UBAP2L: variants seen among roughly 807,000 people sequenced by gnomAD.
UBAP2L encodes the protein ubiquitin associated protein 2 like, also known as ubiquitin-associated protein 2-like.
A neutral mutation model predicts 130.6 loss-of-function variants in UBAP2L; 12 were observed. That is an observed-to-expected ratio of 0.09 (90% CI 0.06 to 0.15). The LOEUF (loss-of-function observed/expected upper bound fraction) is 0.15. Among genes scored for constraint, UBAP2L ranks in the 10% least tolerant of loss-of-function variants. The probability of loss-of-function intolerance (pLI) is 1.00; values close to 1 mark genes in which losing one functional copy is unlikely to be tolerated. For missense variants in UBAP2L, 965 were observed against 1,332.5 expected (o/e 0.72, Z 4.29); for synonymous variants, 503 against 524.7 (o/e 0.96, Z 0.57).
At chr1:154,236,450 T>A in intron 6 of UBAP2L, 116 bp from the exon 7 acceptor site, 1 of 1,095,072 alleles carries the variant, frequency 9.1e-7, no homozygotes, top group Non-Finnish European at 1.4e-6. Context: ...CCGCCCGCCC[T>A]CAGCCTTTCA....
At chr1:154,250,110 GACCGGAGT>G (rs1397959503) in intron 12 of UBAP2L, among the ~76,000 whole-genome samples, 1 of 152,186 alleles carries the variant, frequency 6.6e-6, no homozygotes, top group Non-Finnish European at 1.5e-5. Flanking sequence ...CTGTCATCCA[GACCGGAGT>G]ACAGTGGCAC....
At chr1:154,246,874 A>T (rs1291267209) in intron 11 of UBAP2L, among the ~76,000 whole-genome samples, 1 of 152,222 alleles carries the variant, frequency 6.6e-6, no homozygotes, top group East Asian at 1.9e-4. Flanking sequence ...AAATAGGGAT[A>T]AAAGTGCTAG....
In UBAP2L at chr1:154,257,131, A is replaced by T. The variant is rs1679942703; in HGVS notation, c.2226A>T (p.Thr742=). ...GCACTTTTTCCACCACATCCAGCAC[A>T]GTCTCTGCACCTCCCCCAGTGGTCA... ...SSSTFSTTSS[T]VSAPPPVVSV... The change falls in exon 19 of 27, where the codon ACA becomes ACT. Residue 742 remains threonine (T), a synonymous_variant. Transcript: ENST00000428931. The T allele has an allele frequency of 2.5e-6, 4 of 1,614,168 alleles. No individual in the cohort carries two copies. In the East Asian group the frequency reaches 8.9e-5, roughly 36 times the overall value.
chr1:154,270,929 T>C, downstream of UBAP2L: 1 of 1,550,496 alleles, frequency 6.4e-7, no homozygotes, highest in Non-Finnish European at 8.7e-7. Flanking sequence ...AGTATTACTG[T>C]ACCAACTGGG....
chr1:154,270,189 T>A lies in UBAP2L; in HGVS notation c.3169-11T>A, dbSNP rs1572009562. On this transcript the variant is annotated splice_polypyrimidine_tract_variant and intron_variant, in intron 26 of 26. Transcript: ENST00000428931. ...CTTTTTCCTCCTCATGATCCTCCCA[T>A]TCCCCTGCAGACGGGCAGCGGGCAA... 6.3e-7 allele frequency: 1 copy of A among 1,591,328 alleles called. No homozygotes were observed. The highest frequency in any genetic ancestry group is 1.3e-5 in the African/African-American group (1 of 74,240).
At chr1:154,224,319 G>T (rs1667267036) in intron 1 of UBAP2L, among the ~76,000 whole-genome samples, 1 of 152,186 alleles carries the variant, frequency 6.6e-6, no homozygotes, top group Non-Finnish European at 1.5e-5. Context: ...AAGGTGAGTG[G>T]TGGAGGGTAA....
At chr1:154,222,543 C>G (rs1418595458) in intron 1 of UBAP2L, among the ~76,000 whole-genome samples, 2 of 152,180 alleles carry the variant, frequency 1.3e-5, no homozygotes, top group Non-Finnish European at 2.9e-5. Flanking sequence ...TTTAAAGCTC[C>G]TCCTTGCTAT....
Position 154,254,880 on chromosome 1 carries a change from A to G in UBAP2L, c.1899A>G (p.Gln633=), listed in dbSNP as rs201957873. The G allele has an allele frequency of 2.0e-4, 319 of 1,599,188 alleles. 3 individuals are homozygous for G. In the Admixed American group the frequency reaches 2.5e-3, roughly 13 times the overall value. ...SVQATQLQTT[Q]SVEGATGSAV... is the part of the protein sequence containing the mutation. ...AGGCCACGCAGTTACAGACCACACA[A>G]TCTGTTGAAGGTGAGTGTTCTTCAG... Residue 633 remains glutamine (Q), a synonymous_variant, in exon 16 of 27, where the codon CAA becomes CAG. Transcript: ENST00000428931.
In UBAP2L at chr1:154,236,566, G is replaced by A; in HGVS notation, c.545G>A (p.Gly182Asp). 12 of 1,613,728 alleles carry A rather than the reference G, an allele frequency of 7.4e-6. No homozygotes were observed. Among genetic ancestry groups the A allele is most frequent in the Non-Finnish European group, 1.0e-5 (12 of 1,179,908 alleles). Residue 182 changes from glycine (G) to aspartate (D), a missense_variant and splice_region_variant, in exon 7 of 27, where the codon GGT becomes GAT. By Grantham distance (94) the Gly-to-Asp change is moderately conservative (BLOSUM62 -1). Coordinates refer to ENST00000428931, the MANE Select transcript of UBAP2L (RefSeq NM_014847.4). The part of the protein sequence containing the change: ...RGRRGRGRGR[G>D]GSGRRGGRFS... The stretch of plus-strand genomic sequence containing the variant: ...TCTCTTTTTCTCATTCTTTCTTTAG[G>A]TGGCTCTGGTAGGCGAGGAGGAAGG...
chr1:154,270,772 T>TTG lies in UBAP2L; in HGVS notation c.*478_*479insGT, dbSNP rs2149131289. 10 of 1,091,414 alleles carry TTG rather than the reference T, an allele frequency of 9.2e-6. No individual in the cohort carries two copies. The highest frequency in any genetic ancestry group is 3.2e-5 in the South Asian group (1 of 31,280). 67.6% of individuals were successfully genotyped at this position (1,091,414 alleles called of 1,614,324 possible). ...TTAGTTGAAGTGGTTTTTTTTTTGT[T>TTG]TTTTTTTTTTTTTTGTACTGTGTCC... On this transcript the variant is annotated 3_prime_UTR_variant, in exon 27 of 27. Coordinates refer to ENST00000428931, the MANE Select transcript of UBAP2L (RefSeq NM_014847.4).
At chr1:154,251,996 C>T (rs1677774180) in intron 14 of UBAP2L, among the ~76,000 whole-genome samples, 1 of 152,018 alleles carries the variant, frequency 6.6e-6, no homozygotes, top group Non-Finnish European at 1.5e-5. Flanking sequence ...TTTTTAAACA[C>T]AGAGTTTCAC....
chr1:154,254,857 G>A lies in UBAP2L; in HGVS notation c.1876G>A (p.Ala626Thr), dbSNP rs772930350. Reference protein sequence around the residue: ...QAKNGFSSVQATQLQTTQSVE... With the variant: ...QAKNGFSSVQTTQLQTTQSVE... ...CCAGAATGGCTTCAGTTCTGTGCAG[G>A]CCACGCAGTTACAGACCACACAATC... Residue 626 changes from alanine to threonine, a missense_variant, in exon 16 of 27, where the codon GCC (alanine) becomes ACC (threonine). By Grantham distance (58) the Ala-to-Thr change is moderately conservative. This residue lies in a region of UBAP2L where 393 missense variants were observed against 408.1 expected (regional missense o/e 0.96). Transcript: ENST00000428931. The A allele has an allele frequency of 9.4e-6, 15 of 1,603,994 alleles. No individual in the cohort carries two copies. Among genetic ancestry groups the A allele is most frequent in the Admixed American group, 1.7e-5 (1 of 58,166 alleles).
intron 10 of UBAP2L, among the ~76,000 whole-genome samples, 176 bp downstream of exon 10, chr1:154,243,478 T>C (rs940367949): frequency 6.6e-6 from 1 of 152,180 alleles, no homozygotes; most frequent in Non-Finnish European, 1.5e-5. Context: ...TTTTTGTTTT[T>C]GAGACAGAGT....
chr1:154,230,604 A>T (rs1669524138), intron 4 of UBAP2L, among the ~76,000 whole-genome samples: 1 of 152,166 alleles, frequency 6.6e-6, no homozygotes, highest in Non-Finnish European at 1.5e-5. Context: ...ATGTTTTTTT[A>T]AAAGTCTGAA....
intron 4 of UBAP2L, among the ~76,000 whole-genome samples, chr1:154,231,347 C>A (rs1669781683): frequency 1.3e-5 from 2 of 149,550 alleles, no homozygotes; most frequent in African/African-American, 4.9e-5. Context: ...GTTGCCCAGG[C>A]TGGAGTGCAA....
rs1287644479 is a variant in UBAP2L, at chr1:154,257,054, C to G, written c.2158-9C>G. ...CTTCTTCTCTCTTCCACTGCTCCCCCTTTTGAAGCACACAAGTGTGGAGAG... is the reference window on the plus strand; with the variant it reads ...CTTCTTCTCTCTTCCACTGCTCCCCGTTTTGAAGCACACAAGTGTGGAGAG... On this transcript the variant is annotated splice_polypyrimidine_tract_variant and intron_variant, in intron 18 of 26. Transcript: ENST00000428931. The G allele has an allele frequency of 1.9e-6, 3 of 1,610,880 alleles. No individual in the cohort carries two copies. The highest frequency in any genetic ancestry group is 2.5e-6 in the Non-Finnish European group (3 of 1,178,766).
chr1:154,248,013 G>A (rs980994448), intron 11 of UBAP2L, among the ~76,000 whole-genome samples: 1 of 151,054 alleles, frequency 6.6e-6, no homozygotes, highest in Non-Finnish European at 1.5e-5. Context: ...TGTTGCCTAG[G>A]CTGGAGTGCA....
chr1:154,242,958 C>T (rs1345434135), intron 9 of UBAP2L: 6 of 229,884 alleles, frequency 2.6e-5, no homozygotes, highest in Non-Finnish European at 5.1e-5. Context: ...GTCTAGCATG[C>T]CTGTAAGTTC....
At position 154,237,135 on chromosome 1, in the gene UBAP2L, G is replaced by A. The variant is rs2274992; in HGVS notation, c.702G>A (p.Thr234=). Residue 234 remains threonine (T), a splice_region_variant and synonymous_variant, in exon 8 of 27, where the codon ACG becomes ACA. Transcript: ENST00000428931. ...NTGHFEPDDG[T]SAWRTATEEW... is the part of the protein sequence containing the mutation. ...GCCACTTTGAACCAGATGATGGGAC[G>A]AGTGAGTGACCATTTATCATTCATT... The A allele has an allele frequency of 4.3e-4, 690 of 1,611,430 alleles. 4 individuals carry two copies. In the East Asian group the frequency reaches 0.014, roughly 33 times the overall value.
Sources: gnomAD v4.1 joint callset for allele counts (sites outside exome capture counted in the v4.1 genomes callset) on GRCh38, gnomAD v4.1.1 for gene constraint, gnomAD v4.1.1 regional missense constraint, MANE v1.5 for transcripts, NCBI Gene and HGNC (gene_info 2026-07-23, HGNC 2026-07-21) for gene names.